Variants in DIP2A observed in about 807,000 individuals in gnomAD.
DIP2A encodes DIP2 acetate--CoA ligase A, also known as disco-interacting protein 2 homolog A.
Under a neutral mutation model 177.4 loss-of-function variants are expected in DIP2A, and 85 were observed. That is an observed-to-expected ratio of 0.48 (90% CI 0.40 to 0.57). The LOEUF is 0.57. Among genes scored for constraint, DIP2A ranks in the 20% least tolerant of loss-of-function variants. The pLI, the probability that DIP2A is intolerant of heterozygous loss-of-function variation, is 0.00. For synonymous variants in DIP2A, 886 were observed against 881.8 expected (o/e 1.00, Z -0.08); for missense variants, 1,791 against 2,100.2 (o/e 0.85, Z 2.88).
intron 5 of DIP2A, among the ~76,000 whole-genome samples, chr21:46,501,891 C>T (rs1023791810): frequency 2.6e-5 from 4 of 152,126 alleles, no homozygotes; most frequent in Non-Finnish European, 5.9e-5. Flanking sequence ...CTTTAAAATG[C>T]TAATTTGATC....
chr21:46,470,393 G>A (rs1196519360), intron 1 of DIP2A, among the ~76,000 whole-genome samples: 46 of 151,720 alleles, frequency 3.0e-4, no homozygotes, highest in Admixed American at 3.0e-3. Context: ...AGAATCACTT[G>A]AACCCAGGAG....
At chr21:46,507,877 C>T (rs28830782) in intron 6 of DIP2A, among the ~76,000 whole-genome samples, 1 of 149,776 alleles carries the variant, frequency 6.7e-6, no homozygotes, top group South Asian at 2.1e-4. Context: ...ATTTTTTTTT[C>T]TTTACTACAG....
Position 46,537,149 on chromosome 21 carries a change from A to G in DIP2A, c.1643-75A>G. The G allele has an allele frequency of 6.7e-7, 1 of 1,491,938 alleles. No individual in the cohort carries two copies. Among genetic ancestry groups the G allele is most frequent in the Non-Finnish European group, 9.4e-7 (1 of 1,068,728 alleles). The allele number at this position is 1,491,938 out of a possible 1,614,324, so 92.4% of individuals were successfully genotyped here. A position where few individuals can be genotyped will look rare whatever the true frequency, so the allele number is the denominator to read the frequency against. On this transcript the variant is annotated intron_variant, in intron 13 of 37. Transcript: ENST00000417564. The surrounding 1 kb of genome is among the most constrained non-coding windows in gnomAD (Gnocchi z 4.1). ...TACATGTTGATGACGTACTCACCTC[A>G]GAATTTCTCTAGAAAATGCATAGGG...
At chr21:46,474,494 A>G (rs889187241) in intron 1 of DIP2A, among the ~76,000 whole-genome samples, 8 of 152,180 alleles carry the variant, frequency 5.3e-5, no homozygotes, top group Admixed American at 1.3e-4. Flanking sequence ...GAGGAAGGAG[A>G]CAGAACATGT....
intron 25 of DIP2A, chr21:46,552,815 T>A (rs2060321690): frequency 6.6e-6 from 1 of 152,228 alleles, no homozygotes; most frequent in Admixed American, 6.5e-5. Flanking sequence ...CCAGTAAACA[T>A]TTATTTTATG....
intron 10 of DIP2A, among the ~76,000 whole-genome samples, chr21:46,533,166 T>C (rs2059422003): frequency 6.6e-6 from 1 of 152,234 alleles, no homozygotes; most frequent in Non-Finnish European, 1.5e-5. Context: ...CTAGATTAAT[T>C]TGTAAATTTC....
chr21:46,572,049 G>A (rs2060972960), downstream of DIP2A, among the ~76,000 whole-genome samples: 1 of 152,024 alleles, frequency 6.6e-6, no homozygotes, highest in Admixed American at 6.5e-5. Flanking sequence ...GTCATAAATA[G>A]CTCTTATTAT....
intron 8 of DIP2A, among the ~76,000 whole-genome samples, chr21:46,520,267 G>A (rs942922025): frequency 1.3e-5 from 2 of 151,988 alleles, no homozygotes; most frequent in African/African-American, 2.4e-5. Context: ...AAGTTTTCTT[G>A]GCTCTGAAAA....
At chr21:46,536,475 A>C (rs2059575750) in intron 13 of DIP2A, among the ~76,000 whole-genome samples, 1 of 152,234 alleles carries the variant, frequency 6.6e-6, no homozygotes, top group Admixed American at 6.5e-5. Flanking sequence ...CAGAGGGGAG[A>C]TGCCGGATCA....
At chr21:46,554,358 C>T (rs2060378365) in intron 26 of DIP2A, 66 bp downstream of exon 26, 2 of 1,588,128 alleles carry the variant, frequency 1.3e-6, no homozygotes, top group Admixed American at 1.7e-5. Context: ...TAAGCAGCCC[C>T]CTAGACACTC....
intron 1 of DIP2A, among the ~76,000 whole-genome samples, chr21:46,461,655 A>G (rs1212943682): frequency 2.0e-5 from 3 of 152,202 alleles, no homozygotes; most frequent in African/African-American, 7.2e-5. Flanking sequence ...CATTTATGCT[A>G]TTGTCATCTT....
intron 6 of DIP2A, among the ~76,000 whole-genome samples, chr21:46,508,790 A>G (rs1466890127): frequency 1.3e-5 from 2 of 151,696 alleles, no homozygotes; most frequent in African/African-American, 2.4e-5. Flanking sequence ...TGGGAGGCCA[A>G]GGCAGGTGGA....
intron 1 of DIP2A, among the ~76,000 whole-genome samples, chr21:46,482,123 C>A (rs577508426): frequency 1.3e-5 from 2 of 152,240 alleles, no homozygotes; most frequent in South Asian, 2.1e-4. Flanking sequence ...ATTTGATAAA[C>A]CTCTAACAAG....
chr21:46,535,595 GA>G (rs1172795342), intron 13 of DIP2A, among the ~76,000 whole-genome samples: 14 of 152,102 alleles, frequency 9.2e-5, no homozygotes, highest in African/African-American at 3.4e-4. Context: ...TTTTAAAAAA[GA>G]AAAAAATATA....
intron 8 of DIP2A, among the ~76,000 whole-genome samples, chr21:46,528,743 G>A (rs148827325): frequency 1.1e-4 from 17 of 151,526 alleles, no homozygotes; most frequent in Middle Eastern, 3.4e-3. Context: ...GGCCAGGCTG[G>A]TCTCAAACTC....
At chr21:46,471,578 A>G (rs2839269) in intron 1 of DIP2A, among the ~76,000 whole-genome samples, 54,972 of 152,142 alleles carry the variant, frequency 0.36, 10,471 homozygotes, top group African/African-American at 0.49. Flanking sequence ...GCACTGGTCT[A>G]TTAAAAAGAC....
At chr21:46,497,942 A>G (rs2057443267) in intron 4 of DIP2A, among the ~76,000 whole-genome samples, 1 of 152,252 alleles carries the variant, frequency 6.6e-6, no homozygotes, top group Non-Finnish European at 1.5e-5. Flanking sequence ...TAATTGTAAA[A>G]CCCATAATGA....
rs1197804110 is a variant in DIP2A, at chr21:46,537,245, T to C, written c.1664T>C (p.Leu555Pro). ...GCAGCTGAAACATTAACAAACGTGC[T>C]GGATTTCAAAAGGGATGCTGGTCTG... ...YSEAETLTNV[L>P]DFKRDAGLWH... The change falls in exon 14 of 38, where the codon CTG (leucine) becomes CCG (proline). Residue 555 changes from leucine (L) to proline (P), a missense_variant. By Grantham distance (98) the Leu-to-Pro change is moderately conservative. Coordinates refer to ENST00000417564, the MANE Select transcript of DIP2A (RefSeq NM_015151.4). The surrounding 1 kb of genome is among the most constrained non-coding windows in gnomAD (Gnocchi z 4.1). The C allele has an allele frequency of 6.2e-7, 1 of 1,613,940 alleles. No individual in the cohort carries two copies. The highest frequency in any genetic ancestry group is 8.5e-7 in the Non-Finnish European group (1 of 1,179,914).
At chr21:46,485,810 C>T (rs946044689) in intron 2 of DIP2A, among the ~76,000 whole-genome samples, 2 of 151,992 alleles carry the variant, frequency 1.3e-5, no homozygotes, top group East Asian at 1.9e-4. Context: ...CGGTGGCTCA[C>T]GCCTGTAATC....
Sources: gnomAD v4.1 joint callset for allele counts (sites outside exome capture counted in the v4.1 genomes callset) on GRCh38, gnomAD v4.1.1 for gene constraint, Gnocchi (gnomAD v3.1) non-coding constraint, MANE v1.5 for transcripts, NCBI Gene and HGNC (gene_info 2026-07-23, HGNC 2026-07-21) for gene names.